IQGAP1: variants seen among roughly 807,000 people sequenced by gnomAD.
The protein encoded by IQGAP1 is IQ motif containing GTPase activating protein 1, also known as ras GTPase-activating-like protein IQGAP1.
A neutral mutation model predicts 215.6 loss-of-function variants in IQGAP1; 66 were observed. The observed-to-expected ratio is 0.31, with a 90% CI of 0.25 to 0.38. IQGAP1 has a LOEUF of 0.38. Ranked by LOEUF, IQGAP1 falls within the 10% of genes least tolerant of loss-of-function variation. The pLI, the probability that IQGAP1 is intolerant of heterozygous loss-of-function variation, is 1.00. For synonymous variants in IQGAP1, 772 were observed against 728.7 expected (o/e 1.06, Z -0.96); for missense variants, 1,712 against 1,997.1 (o/e 0.86, Z 2.72).
At chr15:90,469,588 C>T (rs538992104) in intron 18 of IQGAP1, among the ~76,000 whole-genome samples, 1 of 152,250 alleles carries the variant, frequency 6.6e-6, no homozygotes, top group African/African-American at 2.4e-5. Flanking sequence ...CATTGTTTCA[C>T]AGTGTTGTGA....
chr15:90,403,743 G>A (rs1165807341), intron 2 of IQGAP1, among the ~76,000 whole-genome samples: 1 of 151,820 alleles, frequency 6.6e-6, no homozygotes, highest in Admixed American at 6.6e-5. Flanking sequence ...GTGTGATCTC[G>A]GCTCATTACA....
At position 90,468,755 on chromosome 15, in the gene IQGAP1, C is replaced by T. The variant is rs139390920; in HGVS notation, c.2178+1163C>T. ...ATGAGGCAGAAGGATCACTTGAGCC[C>T]GGGAGGTCAAGGCTGTAACGAGCCA... is the stretch of plus-strand genomic sequence containing the variant. On this transcript the variant is annotated intron_variant, in intron 18 of 37. Coordinates refer to ENST00000268182, the MANE Select transcript of IQGAP1 (RefSeq NM_003870.4). Among the ~76,000 whole-genome samples the T allele has an allele frequency of 6.3e-4, 96 of 152,018 alleles. 1 individual carries two copies. Among genetic ancestry groups the T allele is most frequent in the African/African-American group, 2.2e-3 (91 of 41,444 alleles).
At chr15:90,396,806 T>C (rs1964727089) in intron 2 of IQGAP1, among the ~76,000 whole-genome samples, 1 of 152,080 alleles carries the variant, frequency 6.6e-6, no homozygotes, top group South Asian at 2.1e-4. Flanking sequence ...CTAATGTGGC[T>C]GCCGAAAGCT....
intron 5 of IQGAP1, among the ~76,000 whole-genome samples, chr15:90,436,059 T>C: frequency 8.5e-6 from 1 of 117,698 alleles, no homozygotes; most frequent in South Asian, 2.9e-4. Context: ...TCCTCCCTGC[T>C]TGCCTTTTTT....
intron 29 of IQGAP1, among the ~76,000 whole-genome samples, 166 bp from the exon 30 acceptor site, chr15:90,484,054 A>G (rs1350587940): frequency 6.6e-6 from 1 of 152,206 alleles, no homozygotes; most frequent in African/African-American, 2.4e-5. Flanking sequence ...TATTCGAACC[A>G]CTATCCCAAG....
intron 9 of IQGAP1, 75 bp downstream of exon 9, chr15:90,443,553 A>G: frequency 2.4e-6 from 2 of 835,644 alleles, no homozygotes; most frequent in East Asian, 5.3e-5. Context: ...TCTGGGACTT[A>G]CAACATAGTT....
intron 14 of IQGAP1, 26 bp from the exon 15 acceptor site, chr15:90,456,126 A>C (rs1243048598): frequency 1.3e-6 from 2 of 1,598,212 alleles, no homozygotes; most frequent in East Asian, 4.5e-5. Flanking sequence ...TTAGAAAAAA[A>C]AAACTTTCTG....
intron 23 of IQGAP1, chr15:90,474,970 T>G: frequency 3.8e-6 from 1 of 266,350 alleles, no homozygotes; most frequent in Non-Finnish European, 7.1e-6. Context: ...ACACTATACC[T>G]GGCTAATGTT....
Position 90,476,694 on chromosome 15 carries a change from A to G in IQGAP1, c.2816A>G (p.Lys939Arg), listed in dbSNP as rs935936935. 17 of 1,590,358 alleles carry G rather than the reference A, an allele frequency of 1.1e-5. No individual in the cohort carries two copies. Among genetic ancestry groups the G allele is most frequent in the East Asian group, 2.2e-5 (1 of 44,710 alleles). Residue 939 changes from lysine (K) to arginine (R), a missense_variant, in exon 24 of 38, where the codon AAA becomes AGA. Lys to Arg is a conservative substitution (Grantham distance 26). Transcript: ENST00000268182. ...DVVSHSKKLT[K>R]KNKEQLSDMM... The stretch of plus-strand genomic sequence containing the variant: ...GTTTCCCACAGTAAAAAACTTACCA[A>G]AAAAAATAAGGAACAGTTGTCTGAT...
At chr15:90,482,168 C>A in intron 27 of IQGAP1, 29 bp from the exon 28 acceptor site, 1 of 1,614,150 alleles carries the variant, frequency 6.2e-7, no homozygotes. Context: ...CTCCTTGGCC[C>A]TTCTCACTAA....
chr15:90,486,560 T>TTG lies in IQGAP1; in HGVS notation c.4025-393_4025-392insGT. 7.5e-5 allele frequency: 5 copies of TTG among 66,636 alleles called. No homozygotes were observed. The South Asian group carries it at 1.3e-3, about 18-fold the overall frequency. The allele number at this position is 66,636 out of a possible 1,614,324, so 4.1% of individuals were successfully genotyped here. A position where few individuals can be genotyped will look rare whatever the true frequency, so the allele number is the denominator to read the frequency against. Reference sequence around the variant, plus strand: ...AGGCTCAAGTGATCCTCCTGAGTTGTTTTTTTTTTTTTTAATAGAGATGGA... The same window carrying TTG: ...AGGCTCAAGTGATCCTCCTGAGTTGTTGTTTTTTTTTTTTTAATAGAGATGGA... On this transcript the variant is annotated intron_variant, in intron 31 of 37. Coordinates refer to ENST00000268182, the MANE Select transcript of IQGAP1 (RefSeq NM_003870.4).
chr15:90,436,390 T>C (rs1965371725), intron 5 of IQGAP1, among the ~76,000 whole-genome samples: 1 of 152,164 alleles, frequency 6.6e-6, no homozygotes, highest in Admixed American at 6.5e-5. Context: ...TTCAGACATA[T>C]CTGGCTCCAA....
chr15:90,409,575 G>A (rs1964928545), intron 2 of IQGAP1, among the ~76,000 whole-genome samples: 2 of 152,054 alleles, frequency 1.3e-5, no homozygotes, highest in South Asian at 4.1e-4. Flanking sequence ...GGGTTTCACT[G>A]GGTTGCCCAG....
rs142816966 is a variant in IQGAP1, at chr15:90,474,580, A to C, written c.2671A>C (p.Lys891Gln). ...QDFQEELDLM[K>Q]MREEVITLIR... ...TTTTCAGGAGGAGCTTGACCTTATG[A>C]AGATGCGGGAAGAGGTTATCACCCT... is the stretch of plus-strand genomic sequence containing the variant. The change falls in exon 23 of 38, where the codon AAG becomes CAG. Residue 891 changes from lysine (K) to glutamine (Q), a missense_variant. Coordinates refer to ENST00000268182, the MANE Select transcript of IQGAP1 (RefSeq NM_003870.4). 4.7e-4 allele frequency: 757 copies of C among 1,614,060 alleles called. 1 individual carries two copies. The highest frequency in any genetic ancestry group is 5.9e-4 in the Non-Finnish European group (691 of 1,179,908).
rs758668892 is a variant in IQGAP1 at position 90,467,566 on chromosome 15, A to T, written c.2152A>T (p.Met718Leu). 2.7e-5 allele frequency: 43 copies of T among 1,612,326 alleles called. No homozygotes were observed. Among genetic ancestry groups the T allele is most frequent in the Non-Finnish European group, 3.6e-5 (43 of 1,179,388 alleles). The change falls in exon 18 of 38, where the codon ATG becomes TTG. Residue 718 changes from methionine (M) to leucine (L), a missense_variant. By Grantham distance (15) the Met-to-Leu change is conservative (BLOSUM62 2). Coordinates refer to ENST00000268182, the MANE Select transcript of IQGAP1 (RefSeq NM_003870.4). Reference sequence around the variant, plus strand: ...ACCTCCAAATTTTGTGCAAAATTCTATGCAGCTTTCTCGGGAGGAGATCCA... The same window carrying T: ...ACCTCCAAATTTTGTGCAAAATTCTTTGCAGCTTTCTCGGGAGGAGATCCA... ...DEPPNFVQNS[M>L]QLSREEIQSS...
intron 2 of IQGAP1, among the ~76,000 whole-genome samples, chr15:90,392,420 A>G (rs183677188): frequency 6.6e-6 from 1 of 152,340 alleles, no homozygotes; most frequent in East Asian, 1.9e-4. Flanking sequence ...AGGTCAAAGA[A>G]TTTGGAAGCT....
intron 2 of IQGAP1, among the ~76,000 whole-genome samples, chr15:90,418,367 C>T (rs757281747): frequency 6.6e-6 from 1 of 151,740 alleles, no homozygotes; most frequent in Non-Finnish European, 1.5e-5. Flanking sequence ...TGGAAGGATC[C>T]CTTGAGCCCA....
chr15:90,448,107 A>G (rs1046771139), intron 9 of IQGAP1, among the ~76,000 whole-genome samples: 1 of 152,218 alleles, frequency 6.6e-6, no homozygotes, highest in Non-Finnish European at 1.5e-5. Context: ...AGTGGAATGT[A>G]TTCAGTGTGA....
At chr15:90,456,412 AT>A in intron 15 of IQGAP1, 97 bp downstream of exon 15, 1 of 1,232,546 alleles carries the variant, frequency 8.1e-7, no homozygotes, top group Non-Finnish European at 1.1e-6. Flanking sequence ...CATTCAGTGA[AT>A]GCCTTCTGGG....
Sources: gnomAD v4.1 joint callset for allele counts (sites outside exome capture counted in the v4.1 genomes callset) on GRCh38, gnomAD v4.1.1 for gene constraint, MANE v1.5 for transcripts, NCBI Gene and HGNC (gene_info 2026-07-23, HGNC 2026-07-21) for gene names.